The following NCALD variants were observed in gnomAD, a reference collection of about 807,000 sequenced individuals.
NCALD encodes the protein neurocalcin-delta.
In NCALD, 10 loss-of-function variants were observed where a neutral mutation model predicts 18.6. That is an observed-to-expected ratio of 0.54 (90% CI 0.33 to 0.91). The LOEUF (loss-of-function observed/expected upper bound fraction) is 0.91. NCALD is among the 40% of genes least tolerant of loss of function. The pLI, the probability that NCALD is intolerant of heterozygous loss-of-function variation, is 0.03. For missense variants in NCALD, 184 were observed against 247.6 expected, an observed-to-expected ratio of 0.74 and a Z score of 1.72; for synonymous variants, 88 against 87.4, an observed-to-expected ratio of 1.01 and a Z score of -0.04.
At chr8:102,009,487 G>A (rs1023469577) in intron 2 of NCALD, among the ~76,000 whole-genome samples, 14 of 152,182 alleles carry the variant, frequency 9.2e-5, no homozygotes, top group Admixed American at 6.5e-5. Context: ...TCTGAAATTG[G>A]AAGAGATTTC....
In NCALD at chr8:101,719,912, G is replaced by T. The variant is rs544506282; in HGVS notation, c.-19-264C>A. On this transcript the variant is annotated intron_variant, in intron 1 of 3. Transcript: ENST00000220931. Reference sequence around the variant, plus strand: ...TACAGAGCCATCCTGAAAGCAAAAGGTTCAGAGAGAGCGTGAGGTAGAGGG... The same window carrying T: ...TACAGAGCCATCCTGAAAGCAAAAGTTTCAGAGAGAGCGTGAGGTAGAGGG... Among the ~76,000 whole-genome samples, 6 of 152,308 alleles carry T rather than the reference G, an allele frequency of 3.9e-5. No individual in the cohort carries two copies. In the South Asian group the frequency reaches 8.3e-4, roughly 21 times the overall value.
chr8:101,821,695 A>C (rs1813722356), intron 4 of NCALD, among the ~76,000 whole-genome samples: 1 of 152,128 alleles, frequency 6.6e-6, no homozygotes, highest in African/African-American at 2.4e-5. Context: ...TATAAAAGAC[A>C]GACTGGAAGC....
chr8:101,950,094 T>C (rs1323860165), intron 2 of NCALD, among the ~76,000 whole-genome samples: 7 of 152,186 alleles, frequency 4.6e-5, no homozygotes, highest in Admixed American at 6.5e-5. Flanking sequence ...ATTGAAAACA[T>C]GCATTTAGCC....
intron 4 of NCALD, among the ~76,000 whole-genome samples, chr8:101,880,801 T>C (rs1283432164): frequency 6.6e-6 from 1 of 152,154 alleles, no homozygotes; most frequent in Admixed American, 6.5e-5. Context: ...AGAAGTGCTA[T>C]GGAGGCAGAA....
chr8:102,017,749 C>T (rs183592659), intron 2 of NCALD, among the ~76,000 whole-genome samples: 25 of 152,122 alleles, frequency 1.6e-4, no homozygotes, highest in Non-Finnish European at 3.2e-4. Context: ...AATTGATAAA[C>T]TGAAATTCAC....
At chr8:101,999,049 A>T (rs1166418122) in intron 2 of NCALD, among the ~76,000 whole-genome samples, 1 of 149,874 alleles carries the variant, frequency 6.7e-6, no homozygotes, top group African/African-American at 2.5e-5. Context: ...GGGGGAAAAA[A>T]TCATACCCAC....
At chr8:101,712,667 C>CA (rs1406932299) in intron 2 of NCALD, among the ~76,000 whole-genome samples, 3 of 145,798 alleles carry the variant, frequency 2.1e-5, no homozygotes, top group Admixed American at 1.4e-4. Flanking sequence ...CAACAAAGAT[C>CA]AAAAAAGACA....
At chr8:101,799,126 G>A (rs1471736557) in intron 4 of NCALD, among the ~76,000 whole-genome samples, 1 of 151,778 alleles carries the variant, frequency 6.6e-6, no homozygotes, top group African/African-American at 2.4e-5. Context: ...TCCAACTAGA[G>A]AATAGACAAA....
At chr8:101,827,732 T>C (rs1428080969) in intron 4 of NCALD, among the ~76,000 whole-genome samples, 3 of 152,222 alleles carry the variant, frequency 2.0e-5, no homozygotes, top group Admixed American at 6.5e-5. Context: ...AAAGGAAGAT[T>C]TTCCTTAAAA....
chr8:101,747,109 C>T (rs552637417), intron 1 of NCALD, among the ~76,000 whole-genome samples: 1 of 152,286 alleles, frequency 6.6e-6, no homozygotes, highest in South Asian at 2.1e-4. Context: ...GGAAAGTTCC[C>T]GTGGCACACA....
At chr8:102,001,992 C>T (rs1360860887) in intron 2 of NCALD, among the ~76,000 whole-genome samples, 1 of 152,190 alleles carries the variant, frequency 6.6e-6, no homozygotes, top group African/African-American at 2.4e-5. Flanking sequence ...AACCAGCTAA[C>T]ATCATAATGA....
In NCALD at chr8:101,714,967, AC is replaced by A. The variant is rs561930828; in HGVS notation, c.378+4284del. Among the ~76,000 whole-genome samples, 603 of 149,874 alleles carry A rather than the reference AC, an allele frequency of 4.0e-3. 13 individuals are homozygous for A. Among genetic ancestry groups the A allele is most frequent in the African/African-American group, 0.015 (580 of 39,604 alleles). ...AGCCGAGATTGCGCCACTGCAGTCCACAGTCCGGCCTGGGCGACAGAGCGAG... is the reference window on the plus strand; with the variant it reads ...AGCCGAGATTGCGCCACTGCAGTCCAAGTCCGGCCTGGGCGACAGAGCGAG... On this transcript the variant is annotated intron_variant, in intron 2 of 3. Transcript: ENST00000220931.
intron 1 of NCALD, among the ~76,000 whole-genome samples, chr8:102,099,799 C>T (rs1270504778): frequency 6.6e-6 from 1 of 151,588 alleles, no homozygotes; most frequent in African/African-American, 2.4e-5. Context: ...CCCAAAAAAA[C>T]CCTATCTCTA....
chr8:101,707,549 G>A (rs773154440), intron 2 of NCALD, among the ~76,000 whole-genome samples: 3 of 152,140 alleles, frequency 2.0e-5, no homozygotes, highest in Non-Finnish European at 4.4e-5. Flanking sequence ...AAACTTTCCT[G>A]TTGTGGGTTG....
upstream of NCALD, among the ~76,000 whole-genome samples, chr8:101,791,842 A>T (rs1256702009): frequency 3.9e-5 from 6 of 152,180 alleles, no homozygotes; most frequent in Admixed American, 3.9e-4. Context: ...CCAGTGTTCC[A>T]CAAACACAAA....
intron 2 of NCALD, among the ~76,000 whole-genome samples, chr8:101,718,560 T>G (rs1471950213): frequency 6.6e-6 from 1 of 152,186 alleles, no homozygotes; most frequent in Non-Finnish European, 1.5e-5. Flanking sequence ...CGTCTGCATC[T>G]TCATCAGTAC....
At chr8:102,020,954 C>G (rs1822252392) in intron 1 of NCALD, among the ~76,000 whole-genome samples, 1 of 152,184 alleles carries the variant, frequency 6.6e-6, no homozygotes, top group South Asian at 2.1e-4. Flanking sequence ...CTTCCCCACT[C>G]ACCTCCACCT....
chr8:101,784,793 C>G (rs1812156587), intron 1 of NCALD, among the ~76,000 whole-genome samples: 1 of 151,976 alleles, frequency 6.6e-6, no homozygotes, highest in African/African-American at 2.4e-5. Context: ...AGTGAGAACC[C>G]ATCTCTAAAA....
chr8:101,906,558 C>T (rs1209881044), intron 3 of NCALD, among the ~76,000 whole-genome samples: 11 of 152,214 alleles, frequency 7.2e-5, no homozygotes, highest in Admixed American at 4.6e-4. Context: ...GGATGCCAGC[C>T]ACCGTTTGCT....
Sources: gnomAD v4.1 joint callset for allele counts (sites outside exome capture counted in the v4.1 genomes callset) on GRCh38, gnomAD v4.1.1 for gene constraint, MANE v1.5 for transcripts, NCBI Gene and HGNC (gene_info 2026-07-23, HGNC 2026-07-21) for gene names.